IL4R: variants seen among roughly 807,000 people sequenced by gnomAD.
The protein encoded by IL4R is interleukin 4 receptor.
A neutral mutation model predicts 41.5 loss-of-function variants in IL4R; 17 were observed. The ratio of observed to expected loss-of-function variants is 0.41; its 90% CI spans 0.28 to 0.61. The LOEUF is 0.61. IL4R is among the 20% of genes least tolerant of loss of function. The probability of loss-of-function intolerance (pLI) is 0.31; values close to 1 mark genes in which losing one functional copy is unlikely to be tolerated. For missense variants in IL4R, 974 were observed against 1,043.1 expected (o/e 0.93, Z 0.91); for synonymous variants, 402 against 422.9 (o/e 0.95, Z 0.61).
At chr16:27,320,465 T>A (rs2084782374) in intron 1 of IL4R, among the ~76,000 whole-genome samples, 1 of 151,866 alleles carries the variant, frequency 6.6e-6, no homozygotes, top group African/African-American at 2.4e-5. Context: ...TGGAGATGAG[T>A]GGGTGTCCTG....
chr16:27,325,449 CT>C (rs2084931594), intron 1 of IL4R, among the ~76,000 whole-genome samples: 2 of 151,980 alleles, frequency 1.3e-5, no homozygotes, highest in South Asian at 4.2e-4. Flanking sequence ...TTGTGGGCAC[CT>C]GTAGTCCCAG....
At chr16:27,342,399 G>T in intron 4 of IL4R, 140 bp downstream of exon 4, 2 of 1,014,280 alleles carry the variant, frequency 2.0e-6, no homozygotes, top group South Asian at 3.1e-5. Flanking sequence ...TTAGAGGGGA[G>T]GTCCCATCTC....
intron 1 of IL4R, among the ~76,000 whole-genome samples, chr16:27,324,060 G>A (rs2141068421): frequency 6.6e-6 from 1 of 152,330 alleles, no homozygotes. Flanking sequence ...GGGCAGAAGG[G>A]CCCAGGGCAT....
Position 27,358,980 on chromosome 16 carries a change from A to T in IL4R, c.835A>T (p.Ile279Phe). 6.2e-7 allele frequency: 1 copy of T among 1,613,086 alleles called. No homozygotes were observed. The highest frequency in any genetic ancestry group is 8.5e-7 in the Non-Finnish European group (1 of 1,179,124). The change falls in exon 9 of 11, where the codon ATC (isoleucine) becomes TTC (phenylalanine). Residue 279 changes from isoleucine to phenylalanine, a missense_variant. By Grantham distance (21) the Ile-to-Phe change is conservative. Coordinates refer to ENST00000395762, the MANE Select transcript of IL4R (RefSeq NM_000418.4). Reference sequence around the variant, plus strand: ...CCGCAGCCGCCTCGTGGCTATAATAATCCAGGATGCTCAGGTAGGAGTAGG... The same window carrying T: ...CCGCAGCCGCCTCGTGGCTATAATATTCCAGGATGCTCAGGTAGGAGTAGG... ...PARSRLVAII[I>F]QDAQGSQWEK...
At chr16:27,355,417 G>A (rs1303015316) in intron 7 of IL4R, 2 of 286,792 alleles carry the variant, frequency 7.0e-6, no homozygotes, top group East Asian at 8.6e-5. Context: ...AGCCCTGCAC[G>A]ATCAATTCTG....
At chr16:27,350,961 C>T (rs2085847597) in intron 6 of IL4R, among the ~76,000 whole-genome samples, 1 of 152,200 alleles carries the variant, frequency 6.6e-6, no homozygotes, top group South Asian at 2.1e-4. Flanking sequence ...TCTATTGCTG[C>T]ATAATAATGG....
chr16:27,314,493 C>G (rs1309288097), intron 1 of IL4R, among the ~76,000 whole-genome samples: 1 of 152,232 alleles, frequency 6.6e-6, no homozygotes, highest in Non-Finnish European at 1.5e-5. Flanking sequence ...TCAGATGGAC[C>G]CAATAATCGC....
intron 1 of IL4R, among the ~76,000 whole-genome samples, chr16:27,314,681 T>C (rs2141037457): frequency 6.6e-6 from 1 of 152,218 alleles, no homozygotes; most frequent in East Asian, 1.9e-4. Flanking sequence ...GCAGCAGGAC[T>C]AGAGCCCAGG....
At chr16:27,325,761 C>A (rs1024452769) in intron 1 of IL4R, among the ~76,000 whole-genome samples, 3 of 152,034 alleles carry the variant, frequency 2.0e-5, no homozygotes. Context: ...GGCCCCTCCC[C>A]GAGAGAACTC....
intron 8 of IL4R, among the ~76,000 whole-genome samples, chr16:27,357,261 G>A (rs914367428): frequency 1.3e-5 from 2 of 152,016 alleles, no homozygotes; most frequent in East Asian, 3.9e-4. Flanking sequence ...CCTCTTTGCT[G>A]TTCTTTGTCT....
intron 7 of IL4R, chr16:27,355,361 T>C (rs2086024976): frequency 2.0e-5 from 6 of 293,056 alleles, no homozygotes; most frequent in South Asian, 1.2e-4. Context: ...CAGGCCACTC[T>C]GTTCTGAGTG....
At chr16:27,351,007 T>G (rs145531945) in intron 6 of IL4R, among the ~76,000 whole-genome samples, 1 of 152,374 alleles carries the variant, frequency 6.6e-6, no homozygotes, top group African/African-American at 2.4e-5. Flanking sequence ...AACACCCATT[T>G]ATTATCTCAT....
At chr16:27,321,224 G>A (rs1264225725) in intron 1 of IL4R, among the ~76,000 whole-genome samples, 1 of 152,100 alleles carries the variant, frequency 6.6e-6, no homozygotes, top group Non-Finnish European at 1.5e-5. Flanking sequence ...TATTACAGGT[G>A]TGAGCCACCG....
At chr16:27,322,488 T>A (rs1354237372) in intron 1 of IL4R, among the ~76,000 whole-genome samples, 2 of 152,108 alleles carry the variant, frequency 1.3e-5, no homozygotes, top group Non-Finnish European at 2.9e-5. Flanking sequence ...AATTGTTCCT[T>A]TAATCAGTAT....
rs2086399863 is a variant in IL4R at position 27,363,769 on chromosome 16, G to A, written c.2417G>A (p.Ser806Asn). ...HPAPGNAQSS[S>N]QTPKIVNFVS... ...GCCCCTGGCAATGCTCAGAGCTCAA[G>A]CCAGACCCCCAAAATCGTGAACTTT... Residue 806 changes from serine to asparagine, a missense_variant, in exon 11 of 11, where the codon AGC becomes AAC. Physicochemically the swap from Ser to Asn is conservative, Grantham distance 46 (BLOSUM62 1). Coordinates refer to ENST00000395762, the MANE Select transcript of IL4R (RefSeq NM_000418.4). 6.2e-7 allele frequency: 1 copy of A among 1,611,760 alleles called. No individual in the cohort carries two copies. The highest frequency in any genetic ancestry group is 2.2e-5 in the East Asian group (1 of 44,872).
chr16:27,342,163 A>C lies in IL4R; in HGVS notation c.113A>C (p.Tyr38Ser). ...VLQEPTCVSD[Y>S]MSISTCEWKM... ...CAGGAGCCCACCTGCGTCTCCGACT[A>C]CATGAGCATCTCTACTTGCGAGTGG... The change falls in exon 4 of 11, where the codon TAC becomes TCC. Residue 38 changes from tyrosine (Y) to serine (S), a missense_variant. Physicochemically the swap from Tyr to Ser is moderately radical, Grantham distance 144. This residue lies in a region of IL4R where 284 missense variants were observed against 313.4 expected (regional missense o/e 0.91). Coordinates refer to ENST00000395762, the MANE Select transcript of IL4R (RefSeq NM_000418.4). 1 of 1,614,258 alleles carries C rather than the reference A, an allele frequency of 6.2e-7. No individual in the cohort carries two copies. The highest frequency in any genetic ancestry group is 8.5e-7 in the Non-Finnish European group (1 of 1,180,038).
At chr16:27,351,581 C>G (rs970936218) in intron 6 of IL4R, among the ~76,000 whole-genome samples, 3 of 148,378 alleles carry the variant, frequency 2.0e-5, no homozygotes, top group African/African-American at 7.5e-5. Flanking sequence ...GTGGCATGAT[C>G]TCAGCTTACC....
intron 6 of IL4R, among the ~76,000 whole-genome samples, chr16:27,346,984 AC>A (rs1310896841): frequency 1.3e-5 from 2 of 152,196 alleles, no homozygotes; most frequent in African/African-American, 4.8e-5. Context: ...GACTCAAGAG[AC>A]AGTGACCCGT....
At chr16:27,343,170 T>G (rs113317533) in intron 4 of IL4R, among the ~76,000 whole-genome samples, 2,442 of 152,276 alleles carry the variant, frequency 0.016, 65 homozygotes, top group African/African-American at 0.055. Flanking sequence ...GACACACAGT[T>G]ACGGGGCAGA....
Sources: gnomAD v4.1 joint callset for allele counts (sites outside exome capture counted in the v4.1 genomes callset) on GRCh38, gnomAD v4.1.1 for gene constraint, gnomAD v4.1.1 regional missense constraint, MANE v1.5 for transcripts, NCBI Gene and HGNC (gene_info 2026-07-23, HGNC 2026-07-21) for gene names.